CCNB3: variants seen among roughly 807,000 people sequenced by gnomAD.
The protein encoded by CCNB3 is G2/mitotic-specific cyclin-B3.
CCNB3 carries 12 observed loss-of-function variants against 68.0 expected under a neutral mutation model. The observed-to-expected ratio is 0.18, with a 90% CI of 0.11 to 0.29. CCNB3 has a LOEUF of 0.29. CCNB3 is among the 10% of genes least tolerant of loss of function. CCNB3 has a pLI of 1.00. For missense variants in CCNB3, 904 were observed against 993.1 expected (o/e 0.91, Z 1.21); for synonymous variants, 354 against 388.9 (o/e 0.91, Z 1.06).
intron 4 of CCNB3, among the ~76,000 whole-genome samples, chrX:50,290,170 A>T (rs1435169517): frequency 8.9e-6 from 1 of 112,026 alleles, no homozygotes; most frequent in African/African-American, 3.2e-5. Context: ...TGATGGGAGT[A>T]CAGTGACACT....
rs782417581 is a variant in CCNB3, at chrX:50,311,318, T to C, written c.3149T>C (p.Ile1050Thr). The C allele has an allele frequency of 8.3e-7, 1 of 1,211,076 alleles. No individual in the cohort carries two copies. Among genetic ancestry groups the C allele is most frequent in the South Asian group, 1.8e-5 (1 of 56,903 alleles). The stretch of plus-strand genomic sequence containing the variant: ...GACACCTTTCTGGAAACATTCTTGA[T>C]CCCCCAAATTGGAACCAGCCCATAT... ...KEDTFLETFLIPQIGTSPYVF... is the reference protein window; with the variant it reads ...KEDTFLETFLTPQIGTSPYVF... Residue 1050 changes from isoleucine to threonine, a missense_variant, in exon 6 of 13, where the codon ATC becomes ACC. Ile to Thr is a moderately conservative substitution (Grantham distance 89). This residue lies in a region of CCNB3 where 285 missense variants were observed against 383.4 expected (regional missense o/e 0.74). Transcript: ENST00000376042.
intron 1 of CCNB3, among the ~76,000 whole-genome samples, chrX:50,227,033 A>G (rs1236722812): frequency 1.2e-5 from 1 of 80,267 alleles, no homozygotes; most frequent in Non-Finnish European, 2.2e-5. Context: ...ATATACAAAT[A>G]TATAGAATAT....
chrX:50,294,781 C>G, intron 4 of CCNB3, 82 bp from the exon 5 acceptor site: 1 of 1,092,373 alleles, frequency 9.2e-7, no homozygotes, highest in Non-Finnish European at 1.2e-6. Context: ...CCTATGAGAG[C>G]CACCTTTTAG....
intron 3 of CCNB3, among the ~76,000 whole-genome samples, chrX:50,287,994 C>T (rs1360892700): frequency 3.7e-5 from 4 of 107,945 alleles, no homozygotes; most frequent in African/African-American, 1.0e-4. Context: ...ATCAAGGTTG[C>T]GCGCTCCTTA....
chrX:50,308,363 T>A (rs185912629), intron 5 of CCNB3, 142 bp from the exon 6 acceptor site: 1 of 449,852 alleles, frequency 2.2e-6, no homozygotes, highest in Non-Finnish European at 3.9e-6. Context: ...TGGTACCTAC[T>A]GATTTTGTCC....
At chrX:50,350,758 C>T (rs370658701) in intron 11 of CCNB3, among the ~76,000 whole-genome samples, 10 of 108,139 alleles carry the variant, frequency 9.2e-5, no homozygotes, top group East Asian at 8.7e-4. Flanking sequence ...TGCAGTGGTG[C>T]GATCATAGTT....
chrX:50,332,880 G>A (rs1276354994), intron 8 of CCNB3, among the ~76,000 whole-genome samples: 3 of 111,677 alleles, frequency 2.7e-5, no homozygotes, highest in African/African-American at 6.5e-5. Context: ...TGTAGCTGTC[G>A]CTGTAATTCA....
At chrX:50,206,330 C>T (rs1238052296) in intron 1 of CCNB3, among the ~76,000 whole-genome samples, 3 of 110,799 alleles carry the variant, frequency 2.7e-5, no homozygotes, top group Admixed American at 9.6e-5. Flanking sequence ...CCAGCACCTT[C>T]GGAGGCTGAG....
At chrX:50,305,507 G>T (rs782605037) in intron 5 of CCNB3, among the ~76,000 whole-genome samples, 2 of 110,761 alleles carry the variant, frequency 1.8e-5, no homozygotes, top group African/African-American at 6.6e-5. Context: ...GACTGTTGTG[G>T]GGTCGGGGAA....
chrX:50,298,121 A>T (rs1258976376), intron 5 of CCNB3, among the ~76,000 whole-genome samples: 1 of 111,330 alleles, frequency 9.0e-6, no homozygotes, highest in African/African-American at 3.3e-5. Flanking sequence ...AATGCCCTTT[A>T]TTTCCTTCTG....
rs782524197 is a variant in CCNB3 at position 50,310,180 on chromosome X, T to A, written c.2011T>A (p.Phe671Ile). Residue 671 changes from phenylalanine to isoleucine, a missense_variant, in exon 6 of 13, where the codon TTC becomes ATC. This residue lies in a region of CCNB3 where 619 missense variants were observed against 609.8 expected (regional missense o/e 1.02). Coordinates refer to ENST00000376042, the MANE Select transcript of CCNB3 (RefSeq NM_033031.3). ...AGAGAAGGCTACCACTGAGGAGGAA[T>A]TCTCTCAGGAACTATTTTCATTGCA... ...IQEKATTEEE[F>I]SQELFSLHVK... The A allele has an allele frequency of 5.0e-6, 6 of 1,209,193 alleles. No homozygotes were observed. The Admixed American group carries it at 1.1e-4, about 22-fold the overall frequency.
Position 50,326,049 on chromosome X carries a change from G to A in CCNB3, c.3516+12101G>A, listed in dbSNP as rs1338373820. On this transcript the variant is annotated intron_variant, in intron 8 of 12. Coordinates refer to ENST00000376042, the MANE Select transcript of CCNB3 (RefSeq NM_033031.3). ...TGCTGTACACATTGCTTTGCACCTTGATTTTTAGGAATAAGTCTTAGTCAT... is the reference window on the plus strand; with the variant it reads ...TGCTGTACACATTGCTTTGCACCTTAATTTTTAGGAATAAGTCTTAGTCAT... Among the ~76,000 whole-genome samples, 7 of 111,502 alleles carry A rather than the reference G, an allele frequency of 6.3e-5. 1 individual carries two copies. Among genetic ancestry groups the A allele is most frequent in the Middle Eastern group, 9.3e-3 (2 of 215 alleles).
chrX:50,227,274 A>C (rs1374307940), intron 1 of CCNB3, among the ~76,000 whole-genome samples: 1 of 84,451 alleles, frequency 1.2e-5, no homozygotes, highest in African/African-American at 4.5e-5. Flanking sequence ...TATATACAGA[A>C]TATATATAAA....
At chrX:50,325,000 A>T (rs1429771386) in intron 8 of CCNB3, among the ~76,000 whole-genome samples, 1 of 111,416 alleles carries the variant, frequency 9.0e-6, no homozygotes, top group East Asian at 2.8e-4. Flanking sequence ...TTTCTTTCTT[A>T]AAGTTAATAA....
chrX:50,342,432 C>T (rs1923188889), intron 9 of CCNB3, 93 bp downstream of exon 9: 3 of 875,230 alleles, frequency 3.4e-6, no homozygotes, highest in East Asian at 6.6e-5. Flanking sequence ...TTGTTATGTG[C>T]TGCATAACAA....
intron 9 of CCNB3, among the ~76,000 whole-genome samples, chrX:50,346,092 C>G (rs1476942495): frequency 8.9e-6 from 1 of 112,174 alleles, no homozygotes; most frequent in East Asian, 2.8e-4. Context: ...TGTCTGACCT[C>G]TGGGTGCCTC....
intron 1 of CCNB3, among the ~76,000 whole-genome samples, chrX:50,226,886 TATATAGTATATATATAGA>T (rs1935846474): frequency 1.4e-5 from 1 of 73,037 alleles, no homozygotes; most frequent in Non-Finnish European, 2.3e-5. Flanking sequence ...ATATATAGAA[TATATAGTATATATATAGA>T]ATATATAGTA....
At position 50,294,868 on chromosome X, in the gene CCNB3, TCA is replaced by T; in HGVS notation, c.211_212del (p.Gln71MetfsTer12). 1 of 1,195,938 alleles carries T rather than the reference TCA, an allele frequency of 8.4e-7. No homozygotes were observed. Among genetic ancestry groups the T allele is most frequent in the South Asian group, 1.8e-5 (1 of 54,348 alleles). ...SAFEDLTNAS[Q>X]CQPVQPKKEA... ...ACCCACCTTTTTTTTTGCAGGCTTC[TCA>T]ATGTCAACCTGTCCAGCCCAAGAAA... On this transcript the variant is annotated frameshift_variant, in exon 5 of 13. Transcript: ENST00000376042. LOFTEE classifies it high-confidence loss of function.
intron 8 of CCNB3, among the ~76,000 whole-genome samples, chrX:50,331,090 C>T (rs1165658828): frequency 8.9e-6 from 1 of 111,858 alleles, no homozygotes; most frequent in Non-Finnish European, 1.9e-5. Flanking sequence ...CTCTCGGGAC[C>T]ATTCATCATC....
Sources: allele counts gnomAD v4.1 joint callset (sites outside exome capture counted in the v4.1 genomes callset), GRCh38; gene constraint gnomAD v4.1.1; regional missense constraint gnomAD v4.1.1; transcripts MANE v1.5; gene names NCBI Gene and HGNC (gene_info 2026-07-23, HGNC 2026-07-21).